Variants in NBAS observed in about 807,000 individuals in gnomAD.
NBAS encodes NAG/BC035112 fusion.
A neutral mutation model predicts 302.5 loss-of-function variants in NBAS; 219 were observed. The observed-to-expected ratio is 0.72, with a 90% CI of 0.65 to 0.81. NBAS has a LOEUF of 0.81. Ranked by LOEUF, NBAS falls within the 30% of genes least tolerant of loss-of-function variation. The pLI, the probability that NBAS is intolerant of heterozygous loss-of-function variation, is 0.00. For missense variants in NBAS, 2,932 were observed against 2,841.6 expected (o/e 1.03, Z -0.72); for synonymous variants, 1,118 against 1,021.6 (o/e 1.09, Z -1.80).
intron 24 of NBAS, 120 bp downstream of exon 24, chr2:15,417,407 C>CT (rs1676996581): frequency 1.7e-5 from 15 of 884,452 alleles, no homozygotes; most frequent in South Asian, 5.3e-5. Context: ...AAAAGTCAAT[C>CT]TTTATTTACT....
the NBAS span, among the ~76,000 whole-genome samples, chr2:15,100,141 G>A: frequency 9.2e-5 from 14 of 152,292 alleles, no homozygotes; most frequent in Admixed American, 3.9e-4. Context: ...TGCCCATGAC[G>A]TTCTGCAGTG....
At chr2:15,485,188 T>C (rs988176503) in intron 12 of NBAS, among the ~76,000 whole-genome samples, 1 of 152,104 alleles carries the variant, frequency 6.6e-6, no homozygotes, top group Non-Finnish European at 1.5e-5. Context: ...GAGTTAAGCA[T>C]ATCTGAGAGA....
the NBAS span, among the ~76,000 whole-genome samples, chr2:15,140,141 C>T: frequency 0.095 from 14,520 of 152,220 alleles, 1,319 homozygotes; most frequent in East Asian, 0.45. Flanking sequence ...AGAGAGGCCA[C>T]GTGTAAGTGC....
the NBAS span, among the ~76,000 whole-genome samples, chr2:14,899,051 T>A: frequency 3.3e-4 from 50 of 152,092 alleles, no homozygotes; most frequent in Non-Finnish European, 7.4e-5. Flanking sequence ...AGGCATTTCC[T>A]CCCCCAGTGG....
At chr2:15,250,687 C>T (rs183721585) in intron 44 of NBAS, among the ~76,000 whole-genome samples, 18 of 152,230 alleles carry the variant, frequency 1.2e-4, no homozygotes, top group South Asian at 2.1e-4. Context: ...GACATTTATG[C>T]GGCCAACAAG....
chr2:15,298,344 A>G (rs1161123662), intron 40 of NBAS, among the ~76,000 whole-genome samples: 1 of 152,238 alleles, frequency 6.6e-6, no homozygotes, highest in Non-Finnish European at 1.5e-5. Flanking sequence ...AACTTACAAA[A>G]ATGAGAGGAG....
At chr2:15,421,387 GTAGGCTCTAATGCAAC>G (rs1558323062) in intron 23 of NBAS, among the ~76,000 whole-genome samples, 1 of 152,128 alleles carries the variant, frequency 6.6e-6, no homozygotes, top group East Asian at 1.9e-4. Flanking sequence ...TTAACTGCAA[GTAGGCTCTAATGCAAC>G]TTACAGAATT....
chr2:15,290,072 T>G (rs1292727885), intron 41 of NBAS, among the ~76,000 whole-genome samples: 86 of 88,038 alleles, frequency 9.8e-4, no homozygotes, highest in Middle Eastern at 0.016. Flanking sequence ...GGAGAGGGGA[T>G]AGGGGAGAGA....
intron 45 of NBAS, among the ~76,000 whole-genome samples, chr2:15,235,379 C>T (rs1056054570): frequency 6.6e-6 from 1 of 152,138 alleles, no homozygotes; most frequent in Non-Finnish European, 1.5e-5. Flanking sequence ...GCCTGCCTCT[C>T]TTTGATAAGA....
chr2:15,296,121 T>C (rs993454326), intron 40 of NBAS, among the ~76,000 whole-genome samples: 4 of 152,196 alleles, frequency 2.6e-5, no homozygotes, highest in Admixed American at 2.0e-4. Flanking sequence ...GGGAACTCCA[T>C]GGAAGGAGCA....
chr2:14,910,410 T>G, the NBAS span, among the ~76,000 whole-genome samples: 1 of 152,222 alleles, frequency 6.6e-6, no homozygotes, highest in Non-Finnish European at 1.5e-5. Context: ...TCTTGCCCTG[T>G]GAGTCCATGA....
At chr2:14,834,740 A>C in the NBAS span, among the ~76,000 whole-genome samples, 1 of 152,118 alleles carries the variant, frequency 6.6e-6, no homozygotes, top group Non-Finnish European at 1.5e-5. Flanking sequence ...CACTTTCAGA[A>C]GCAAGGACTG....
At chr2:15,097,283 A>C in the NBAS span, among the ~76,000 whole-genome samples, 1 of 152,250 alleles carries the variant, frequency 6.6e-6, no homozygotes, top group African/African-American at 2.4e-5. Flanking sequence ...AGAAAGTTCT[A>C]TGTGCAAGAC....
chr2:15,136,027 C>T, the NBAS span, among the ~76,000 whole-genome samples: 6 of 152,298 alleles, frequency 3.9e-5, no homozygotes, highest in South Asian at 4.1e-4. Context: ...AGAGGGAAAG[C>T]GCCAACACCA....
the NBAS span, among the ~76,000 whole-genome samples, chr2:15,028,167 T>A: frequency 6.6e-6 from 1 of 152,242 alleles, no homozygotes; most frequent in African/African-American, 2.4e-5. Flanking sequence ...CAGGAACTGA[T>A]GTGCTTATAG....
chr2:15,235,707 C>G (rs938330816), intron 45 of NBAS, among the ~76,000 whole-genome samples: 1 of 152,122 alleles, frequency 6.6e-6, no homozygotes, highest in Non-Finnish European at 1.5e-5. Context: ...CTGAGATTTG[C>G]TTCACAATCC....
the NBAS span, among the ~76,000 whole-genome samples, chr2:15,141,083 T>G: frequency 6.6e-6 from 1 of 152,186 alleles, no homozygotes; most frequent in Non-Finnish European, 1.5e-5. Flanking sequence ...GGAGGAAATA[T>G]CTTTCTTGAG....
intron 45 of NBAS, among the ~76,000 whole-genome samples, chr2:15,235,193 G>T (rs533579101): frequency 1.3e-4 from 20 of 152,140 alleles, no homozygotes; most frequent in African/African-American, 4.8e-4. Context: ...TTATACATAT[G>T]GTATCTAAAT....
intron 51 of NBAS, among the ~76,000 whole-genome samples, chr2:15,176,912 A>T (rs1480163630): frequency 1.3e-5 from 2 of 152,234 alleles, no homozygotes; most frequent in Non-Finnish European, 2.9e-5. Flanking sequence ...AGTTAAAAAA[A>T]TGTTTTTAAA....
Sources: gnomAD v4.1 joint callset for allele counts (sites outside exome capture counted in the v4.1 genomes callset) on GRCh38, gnomAD v4.1.1 for gene constraint, MANE v1.5 for transcripts, NCBI Gene and HGNC (gene_info 2026-07-23, HGNC 2026-07-21) for gene names.